Variants in CDKAL1 observed in about 807,000 individuals in gnomAD.
The protein encoded by CDKAL1 is CDKAL1 threonylcarbamoyladenosine tRNA methylthiotransferase, also known as threonylcarbamoyladenosine tRNA methylthiotransferase.
Under a neutral mutation model 68.2 loss-of-function variants are expected in CDKAL1, and 32 were observed. The observed-to-expected ratio is 0.47, with a 90% confidence interval of 0.35 to 0.63. The LOEUF (loss-of-function observed/expected upper bound fraction) is 0.63. Among genes scored for constraint, CDKAL1 ranks in the 30% least tolerant of loss-of-function variants. CDKAL1 has a pLI of 0.00. For synonymous variants in CDKAL1, 234 were observed against 244.3 expected (o/e 0.96, Z 0.39); for missense variants, 606 against 696.7 (o/e 0.87, Z 1.47).
chr6:20,787,036 T>C (rs531921915), intron 8 of CDKAL1, among the ~76,000 whole-genome samples: 2 of 152,270 alleles, frequency 1.3e-5, no homozygotes, highest in Non-Finnish European at 2.9e-5. Flanking sequence ...TTTAAGATAC[T>C]CCTATCAGAT....
intron 13 of CDKAL1, among the ~76,000 whole-genome samples, chr6:21,156,858 T>C (rs1329784109): frequency 6.6e-6 from 1 of 152,174 alleles, no homozygotes; most frequent in African/African-American, 2.4e-5. Flanking sequence ...TCTAAGAGTA[T>C]CAAACTGTAT....
At position 20,548,633 on chromosome 6, in the gene CDKAL1, G is replaced by T. The variant is rs377386894; in HGVS notation, c.214G>T (p.Gly72Cys). ...GIQKIWIRTW[G>C]CSHNNSDGEY... ...ACAGAAAATTTGGATACGAACATGG[G>T]GTTGTTCTCATAATAATTCAGATGG... Residue 72 changes from glycine (G) to cysteine (C), a missense_variant, in exon 4 of 16, where the codon GGT (glycine) becomes TGT (cysteine). Coordinates refer to ENST00000274695, the MANE Select transcript of CDKAL1 (RefSeq NM_017774.3). The T allele has an allele frequency of 1.3e-6, 2 of 1,598,372 alleles. No homozygotes were observed. The highest frequency in any genetic ancestry group is 1.7e-5 in the Admixed American group (1 of 59,384).
At chr6:20,786,791 G>A (rs1423293608) in intron 8 of CDKAL1, among the ~76,000 whole-genome samples, 3 of 151,976 alleles carry the variant, frequency 2.0e-5, no homozygotes, top group Non-Finnish European at 2.9e-5. Flanking sequence ...CACCGCTCCC[G>A]GCCTTGACTC....
chr6:20,566,626 T>A (rs1764472512), intron 4 of CDKAL1, among the ~76,000 whole-genome samples: 1 of 152,198 alleles, frequency 6.6e-6, no homozygotes, highest in Non-Finnish European at 1.5e-5. Flanking sequence ...TAACATCTTT[T>A]GATTTTTTTT....
chr6:20,956,165 T>C (rs976501106), intron 10 of CDKAL1, among the ~76,000 whole-genome samples: 2 of 152,230 alleles, frequency 1.3e-5, no homozygotes, highest in Non-Finnish European at 2.9e-5. Flanking sequence ...CCTGAATACA[T>C]GACATTTTCT....
intron 10 of CDKAL1, among the ~76,000 whole-genome samples, chr6:20,981,343 T>C (rs1300277490): frequency 6.6e-6 from 1 of 152,204 alleles, no homozygotes; most frequent in Non-Finnish European, 1.5e-5. Context: ...CGTTTTAAAA[T>C]GTTAATTTTA....
chr6:21,062,127 G>A (rs1771168952), intron 11 of CDKAL1, among the ~76,000 whole-genome samples: 1 of 152,184 alleles, frequency 6.6e-6, no homozygotes, highest in Non-Finnish European at 1.5e-5. Flanking sequence ...GAAGGATAGA[G>A]GGAAAATCAG....
intron 15 of CDKAL1, among the ~76,000 whole-genome samples, chr6:21,206,981 C>T (rs1344570076): frequency 6.6e-6 from 1 of 150,806 alleles, no homozygotes; most frequent in East Asian, 1.9e-4. Flanking sequence ...GGCGCGATCT[C>T]GGCTCACTGC....
At chr6:20,603,847 GC>G (rs1189166175) in intron 4 of CDKAL1, among the ~76,000 whole-genome samples, 1 of 136,680 alleles carries the variant, frequency 7.3e-6, no homozygotes, top group Non-Finnish European at 1.5e-5. Context: ...TGTGATACCG[GC>G]TCACTGCAAC....
At chr6:20,964,618 C>T (rs11966306) in intron 10 of CDKAL1, among the ~76,000 whole-genome samples, 14,323 of 152,006 alleles carry the variant, frequency 0.094, 771 homozygotes, top group Non-Finnish European at 0.12. Flanking sequence ...GGACACATGG[C>T]GGGGAACAAC....
intron 12 of CDKAL1, among the ~76,000 whole-genome samples, chr6:21,087,522 G>A (rs1772759204): frequency 6.6e-6 from 1 of 152,058 alleles, no homozygotes; most frequent in Non-Finnish European, 1.5e-5. Flanking sequence ...TTTGCCAAGT[G>A]GGGTGTACAA....
At chr6:21,046,245 T>G (rs968402267) in intron 11 of CDKAL1, among the ~76,000 whole-genome samples, 1 of 152,258 alleles carries the variant, frequency 6.6e-6, no homozygotes, top group Non-Finnish European at 1.5e-5. Context: ...TGTTATTTCC[T>G]TCCCTCCGTG....
intron 9 of CDKAL1, among the ~76,000 whole-genome samples, chr6:20,847,028 A>G (rs937435222): frequency 2.0e-5 from 3 of 152,214 alleles, no homozygotes; most frequent in South Asian, 2.1e-4. Flanking sequence ...GGTCTCAGAA[A>G]GTATGAGTTC....
chr6:20,879,635 A>G (rs1184748140), intron 9 of CDKAL1, among the ~76,000 whole-genome samples: 1 of 152,042 alleles, frequency 6.6e-6, no homozygotes, highest in Non-Finnish European at 1.5e-5. Context: ...TTGTCACTTG[A>G]TATTGGCAAT....
chr6:21,190,861 A>C (rs185539914), intron 13 of CDKAL1, among the ~76,000 whole-genome samples: 144 of 152,332 alleles, frequency 9.5e-4, no homozygotes, highest in African/African-American at 3.0e-3. Flanking sequence ...GTAATATTGA[A>C]ATCTTTTTGT....
intron 4 of CDKAL1, among the ~76,000 whole-genome samples, chr6:20,579,196 C>A (rs1168453240): frequency 6.6e-6 from 1 of 152,088 alleles, no homozygotes; most frequent in Admixed American, 6.6e-5. Context: ...CCTGGCTGGT[C>A]TCGAACTCCT....
chr6:21,031,609 G>A (rs537767831), intron 11 of CDKAL1, among the ~76,000 whole-genome samples: 1 of 152,024 alleles, frequency 6.6e-6, no homozygotes, highest in African/African-American at 2.4e-5. Flanking sequence ...GCCTGGCTTG[G>A]ATAAAGTGGA....
At chr6:20,743,369 A>G (rs1319951280) in intron 6 of CDKAL1, among the ~76,000 whole-genome samples, 1 of 152,182 alleles carries the variant, frequency 6.6e-6, no homozygotes, top group Admixed American at 6.5e-5. Flanking sequence ...AAAAACTTCC[A>G]TGAGGTGGGG....
chr6:20,771,558 A>G (rs1203768304), intron 7 of CDKAL1, among the ~76,000 whole-genome samples: 1 of 152,144 alleles, frequency 6.6e-6, no homozygotes, highest in Non-Finnish European at 1.5e-5. Context: ...TGACATGTTC[A>G]TTTGTGATTG....
Sources: gnomAD v4.1 joint callset for allele counts (sites outside exome capture counted in the v4.1 genomes callset) on GRCh38, gnomAD v4.1.1 for gene constraint, MANE v1.5 for transcripts, NCBI Gene and HGNC (gene_info 2026-07-23, HGNC 2026-07-21) for gene names.